The following ITIH6 variants were observed in gnomAD, a reference collection of about 807,000 sequenced individuals.
ITIH6 encodes the protein inter-alpha-trypsin inhibitor heavy chain family member 6, also known as inter-alpha-trypsin inhibitor heavy chain H6.
A neutral mutation model predicts 58.2 loss-of-function variants in ITIH6; 60 were observed. That is an observed-to-expected ratio of 1.03 (90% confidence interval 0.84 to 1.28). The LOEUF (loss-of-function observed/expected upper bound fraction) is 1.28, where lower values mean the gene tolerates loss of function less well. Ranked by LOEUF, ITIH6 falls within the 50% of genes most tolerant of loss-of-function variation. ITIH6 has a pLI of 0.00. For missense variants in ITIH6, 1,290 were observed against 1,021.1 expected (o/e 1.26, Z -3.59); for synonymous variants, 493 against 417.4 (o/e 1.18, Z -2.21).
At chrX:54,763,908 A>G (rs182814187) in intron 6 of ITIH6, among the ~76,000 whole-genome samples, 122 of 112,208 alleles carry the variant, frequency 1.1e-3, no homozygotes, top group African/African-American at 3.6e-3. Context: ...CCCCTTTACC[A>G]TTATATTTGT....
intron 2 of ITIH6, among the ~76,000 whole-genome samples, chrX:54,795,564 A>G (rs926383237): frequency 2.7e-5 from 3 of 111,432 alleles, no homozygotes; most frequent in African/African-American, 9.8e-5. Context: ...CCACTCTTCT[A>G]CCTCTTGTCT....
chrX:54,778,324 A>T (rs1929090607), intron 5 of ITIH6, among the ~76,000 whole-genome samples: 2 of 109,029 alleles, frequency 1.8e-5, no homozygotes, highest in Non-Finnish European at 3.8e-5. Context: ...CCTCCCGAGT[A>T]GCTGGGATTA....
intron 4 of ITIH6, among the ~76,000 whole-genome samples, chrX:54,788,987 C>T (rs1330506591): frequency 1.8e-5 from 2 of 112,435 alleles, no homozygotes; most frequent in East Asian, 2.8e-4. Flanking sequence ...GTGGCATGTC[C>T]GGAGGTACGC....
Position 54,749,823 on chromosome X carries a change from C to T in ITIH6, c.*72G>A. On this transcript the variant is annotated 3_prime_UTR_variant, in exon 13 of 13. Transcript: ENST00000218436. The stretch of plus-strand genomic sequence containing the variant: ...GCTTCCATGTCCTTGGGTCTCTGTC[C>T]CTGGCTCACCCCATGCCCTGGTTTC... 1 of 920,892 alleles carries T rather than the reference C, an allele frequency of 1.1e-6. No homozygotes were observed. Among genetic ancestry groups the T allele is most frequent in the Admixed American group, 2.9e-5 (1 of 35,083 alleles). 75.9% of individuals were successfully genotyped at this position (920,892 alleles called of 1,213,427 possible).
chrX:54,776,721 G>A (rs1602062523), intron 5 of ITIH6, among the ~76,000 whole-genome samples: 1 of 110,933 alleles, frequency 9.0e-6, no homozygotes, highest in Non-Finnish European at 1.9e-5. Flanking sequence ...TGCCTTGAAG[G>A]GAAGGACCCA....
intron 2 of ITIH6, among the ~76,000 whole-genome samples, chrX:54,793,774 G>A (rs1035777643): frequency 2.5e-4 from 28 of 111,215 alleles, no homozygotes; most frequent in African/African-American, 9.2e-4. Flanking sequence ...AGAGAAAGTT[G>A]GGGTGGTTGA....
intron 5 of ITIH6, among the ~76,000 whole-genome samples, chrX:54,782,923 T>C (rs1255754249): frequency 8.9e-6 from 1 of 112,056 alleles, no homozygotes; most frequent in Non-Finnish European, 1.9e-5. Flanking sequence ...CTCTGATGAA[T>C]ATGGATGTGC....
chrX:54,750,133 C>T (rs1419937461), intron 12 of ITIH6, 27 bp from the exon 13 acceptor site: 1 of 1,132,291 alleles, frequency 8.8e-7, no homozygotes, highest in Non-Finnish European at 1.2e-6. Flanking sequence ...CAGTGCTAGT[C>T]AGGGAGGTGG....
At chrX:54,770,486 A>C (rs1168208935) in intron 6 of ITIH6, among the ~76,000 whole-genome samples, 1 of 112,608 alleles carries the variant, frequency 8.9e-6, no homozygotes, top group African/African-American at 3.2e-5. Flanking sequence ...ATCCCGTTTT[A>C]TCTTATCTCT....
intron 6 of ITIH6, among the ~76,000 whole-genome samples, chrX:54,771,300 C>T (rs190818721): frequency 8.9e-6 from 1 of 112,008 alleles, no homozygotes; most frequent in African/African-American, 3.2e-5. Context: ...CTTTCTTCTC[C>T]TTCTATTATT....
At chrX:54,797,823 T>G (rs1929470931) in intron 1 of ITIH6, among the ~76,000 whole-genome samples, 1 of 111,478 alleles carries the variant, frequency 9.0e-6, no homozygotes, top group Non-Finnish European at 1.9e-5. Flanking sequence ...GTTCTGCCAC[T>G]TCCTAACTGT....
At position 54,774,977 on chromosome X, in the gene ITIH6, G is replaced by A. The variant is rs1342254620; in HGVS notation, c.787-780C>T. Among the ~76,000 whole-genome samples, 3 of 111,850 alleles carry A rather than the reference G, an allele frequency of 2.7e-5. No individual in the cohort carries two copies. In the East Asian group the frequency reaches 8.5e-4, roughly 32 times the overall value. The stretch of plus-strand genomic sequence containing the variant: ...AAGCAGGCTCTGCCCAGGGCCACAG[G>A]CTTTTGCTCCTCTCTGCCCTTCAGT... On this transcript the variant is annotated intron_variant, in intron 5 of 12. Coordinates refer to ENST00000218436, the MANE Select transcript of ITIH6 (RefSeq NM_198510.3).
At chrX:54,750,558 G>A (rs754132593) in intron 12 of ITIH6, among the ~76,000 whole-genome samples, 1 of 111,555 alleles carries the variant, frequency 9.0e-6, no homozygotes, top group African/African-American at 3.3e-5. Flanking sequence ...AGATATGACT[G>A]TGTCTCTCCT....
intron 8 of ITIH6, among the ~76,000 whole-genome samples, chrX:54,755,691 A>T (rs1928471068): frequency 9.1e-6 from 1 of 110,056 alleles, no homozygotes; most frequent in Non-Finnish European, 1.9e-5. Flanking sequence ...CCCTGAGTGG[A>T]GATGGGGTAG....
chrX:54,774,646 C>T lies in ITIH6; in HGVS notation c.787-449G>A, dbSNP rs1309396290. Among the ~76,000 whole-genome samples the T allele has an allele frequency of 8.0e-4, 90 of 112,821 alleles. 1 individual carries two copies. The highest frequency in any genetic ancestry group is 1.2e-3 in the Non-Finnish European group (62 of 53,190). On this transcript the variant is annotated intron_variant, in intron 5 of 12. Transcript: ENST00000218436. ...AGGGGCTGGGAGTTGCAGGGCCTCCCTCTCCTCCTAAAACCTCCTTTCTGC... is the reference window on the plus strand; with the variant it reads ...AGGGGCTGGGAGTTGCAGGGCCTCCTTCTCCTCCTAAAACCTCCTTTCTGC...
chrX:54,773,109 G>A (rs1254143678), intron 6 of ITIH6, among the ~76,000 whole-genome samples: 2 of 111,809 alleles, frequency 1.8e-5, no homozygotes, highest in Non-Finnish European at 3.8e-5. Context: ...GTTTGGGCTT[G>A]TAGTTCTATC....
At chrX:54,760,830 T>C (rs1199838356) in intron 6 of ITIH6, among the ~76,000 whole-genome samples, 6 of 111,837 alleles carry the variant, frequency 5.4e-5, no homozygotes, top group Non-Finnish European at 1.1e-4. Context: ...CTTAATCCAG[T>C]CTATCATTGT....
chrX:54,787,728 G>A (rs899266779), intron 5 of ITIH6: 1 of 111,705 alleles, frequency 9.0e-6, no homozygotes, highest in African/African-American at 3.3e-5. Context: ...CGAGGATGCT[G>A]AGCAGTGGAG....
At chrX:54,754,539 A>G (rs1056884059) in intron 9 of ITIH6, among the ~76,000 whole-genome samples, 4 of 111,872 alleles carry the variant, frequency 3.6e-5, no homozygotes, top group African/African-American at 1.3e-4. Flanking sequence ...GTTTGGCATT[A>G]GGGGAATGCT....
Sources: gnomAD v4.1 joint callset for allele counts (sites outside exome capture counted in the v4.1 genomes callset) on GRCh38, gnomAD v4.1.1 for gene constraint, MANE v1.5 for transcripts, NCBI Gene and HGNC (gene_info 2026-07-23, HGNC 2026-07-21) for gene names.